Variants in FAM193A observed in about 807,000 individuals in gnomAD.
The protein encoded by FAM193A is family with sequence similarity 193 member A, also known as protein FAM193A.
FAM193A carries 22 observed loss-of-function variants against 126.5 expected under a neutral mutation model. That is an observed-to-expected ratio of 0.17 (90% CI 0.12 to 0.25). The LOEUF is 0.25. FAM193A is among the 10% of genes least tolerant of loss of function. FAM193A has a pLI of 1.00. For synonymous variants in FAM193A, 761 were observed against 646.8 expected (o/e 1.18, Z -2.68); for missense variants, 1,675 against 1,672.8 (o/e 1.00, Z -0.02).
chr4:2,664,562 T>C (rs1197873605), intron 12 of FAM193A, among the ~76,000 whole-genome samples: 2,000 of 124,492 alleles, frequency 0.016, 48 homozygotes, highest in African/African-American at 0.049. Context: ...TTCTTTCTTT[T>C]TTTTTTTTTT....
At chr4:2,569,186 A>G (rs846097) in intron 1 of FAM193A, among the ~76,000 whole-genome samples, 149,676 of 152,042 alleles carry the variant, frequency 0.98, 73,706 homozygotes, top group Middle Eastern at 1. Flanking sequence ...GGCCAGGCTG[A>G]TCTCGAACTC....
intron 13 of FAM193A, among the ~76,000 whole-genome samples, chr4:2,685,962 T>C (rs1253760359): frequency 1.3e-5 from 2 of 152,210 alleles, no homozygotes; most frequent in Non-Finnish European, 2.9e-5. Context: ...GCTTTGTGGG[T>C]TTGTATAACG....
intron 12 of FAM193A, among the ~76,000 whole-genome samples, 166 bp from the exon 13 acceptor site, chr4:2,671,955 G>A (rs1352629880): frequency 2.0e-5 from 3 of 152,156 alleles, no homozygotes; most frequent in African/African-American, 7.2e-5. Context: ...AGTCTCTTGG[G>A]GTCCCTCGTT....
chr4:2,616,800 T>G (rs1048971772), intron 2 of FAM193A, among the ~76,000 whole-genome samples: 5 of 151,430 alleles, frequency 3.3e-5, no homozygotes, highest in African/African-American at 1.2e-4. Flanking sequence ...TCTCCTGACC[T>G]CATGATCTGC....
At chr4:2,703,480 T>A (rs570938512) in intron 19 of FAM193A, among the ~76,000 whole-genome samples, 2 of 152,084 alleles carry the variant, frequency 1.3e-5, no homozygotes, top group Non-Finnish European at 2.9e-5. Flanking sequence ...CTCCTGACCT[T>A]AAGTGACCTG....
intron 12 of FAM193A, among the ~76,000 whole-genome samples, chr4:2,663,599 A>T (rs546334458): frequency 1.3e-5 from 2 of 152,294 alleles, no homozygotes; most frequent in East Asian, 3.9e-4. Flanking sequence ...CCTGTTCATT[A>T]TCTGTTCTTC....
intron 4 of FAM193A, among the ~76,000 whole-genome samples, chr4:2,629,099 T>C (rs1022003139): frequency 5.9e-5 from 9 of 152,198 alleles, no homozygotes; most frequent in African/African-American, 2.2e-4. Flanking sequence ...AGTGCTGGGA[T>C]TATAGGCGTG....
In FAM193A at chr4:2,625,345, G is replaced by A. The variant is rs1380328660; in HGVS notation, c.585G>A (p.Gln195=). The A allele has an allele frequency of 2.8e-6, 2 of 702,970 alleles. No homozygotes were observed. The highest frequency in any genetic ancestry group is 2.0e-5 in the Admixed American group (1 of 50,022). 43.5% of individuals were successfully genotyped at this position (702,970 alleles called of 1,614,324 possible). A position where few individuals can be genotyped will look rare whatever the true frequency, so the allele number is the denominator to read the frequency against. The change falls in exon 3 of 21, where the codon CAG becomes CAA. Residue 195 remains glutamine, a synonymous_variant. Coordinates refer to ENST00000637812, the MANE Select transcript of FAM193A (RefSeq NM_001366318.2). ...GTGGGAGGCTCGCTCTGGGTGCACA[G>A]ACGCTGCCTTCAGACACCGCATGCT... ...GSGGRLALGA[Q]TLPSDTACSC... is the part of the protein sequence containing the mutation.
At chr4:2,648,804 A>G (rs562407409) in intron 7 of FAM193A, among the ~76,000 whole-genome samples, 2 of 152,344 alleles carry the variant, frequency 1.3e-5, no homozygotes, top group South Asian at 4.1e-4. Flanking sequence ...GACAGTGGGC[A>G]TTAACCTTCT....
chr4:2,557,216 A>G (rs951470154), intron 1 of FAM193A, among the ~76,000 whole-genome samples: 4 of 152,206 alleles, frequency 2.6e-5, no homozygotes, highest in African/African-American at 9.6e-5. Flanking sequence ...TCTCTCTCTC[A>G]GAATATCTTA....
intron 2 of FAM193A, among the ~76,000 whole-genome samples, chr4:2,605,217 T>C (rs981862497): frequency 7.2e-5 from 11 of 152,144 alleles, no homozygotes; most frequent in Admixed American, 5.9e-4. Flanking sequence ...GCGTTGCTGT[T>C]AACCCAGATC....
At chr4:2,716,443 C>T (rs1249393344) in intron 20 of FAM193A, among the ~76,000 whole-genome samples, 3 of 150,996 alleles carry the variant, frequency 2.0e-5, no homozygotes, top group South Asian at 2.1e-4. Flanking sequence ...CCTGGGGATA[C>T]AGGCCCCTAC....
chr4:2,634,141 C>T (rs112100955), intron 5 of FAM193A, among the ~76,000 whole-genome samples: 5 of 152,230 alleles, frequency 3.3e-5, no homozygotes, highest in African/African-American at 7.2e-5. Flanking sequence ...CTCCGAGCAC[C>T]GAAAGGGACA....
intron 8 of FAM193A, among the ~76,000 whole-genome samples, chr4:2,658,215 TGAA>T (rs1711950092): frequency 6.6e-6 from 1 of 152,090 alleles, no homozygotes; most frequent in East Asian, 1.9e-4. Flanking sequence ...AGTTTACATA[TGAA>T]GGAGGGTGTT....
Position 2,731,898 on chromosome 4 carries a change from G to A in FAM193A, c.*30G>A, listed in dbSNP as rs1721437391. 1 of 1,544,470 alleles carries A rather than the reference G, an allele frequency of 6.5e-7. No individual in the cohort carries two copies. Among genetic ancestry groups the A allele is most frequent in the Non-Finnish European group, 8.9e-7 (1 of 1,117,462 alleles). The stretch of plus-strand genomic sequence containing the variant: ...GGACTCCCTGGAGAGGGACACGCGA[G>A]AGGCAGGCCAGGCTGCACCACCCCA... On this transcript the variant is annotated 3_prime_UTR_variant, in exon 21 of 21. Transcript: ENST00000637812.
chr4:2,713,508 C>G (rs1383594273), intron 19 of FAM193A, among the ~76,000 whole-genome samples: 1 of 152,148 alleles, frequency 6.6e-6, no homozygotes, highest in Non-Finnish European at 1.5e-5. Flanking sequence ...CCTGGGTTCC[C>G]TGTGTACCCC....
chr4:2,601,561 T>G (rs1254358190), intron 2 of FAM193A, among the ~76,000 whole-genome samples: 1 of 151,090 alleles, frequency 6.6e-6, no homozygotes, highest in Non-Finnish European at 1.5e-5. Context: ...TATTTGTGCC[T>G]TCTTTTTTTT....
At chr4:2,699,606 A>G in intron 18 of FAM193A, 74 bp from the exon 19 acceptor site, 7 of 1,442,854 alleles carry the variant, frequency 4.9e-6, no homozygotes, top group Non-Finnish European at 6.6e-6. Flanking sequence ...TTTTGAAATT[A>G]TCTTAGTTTT....
At chr4:2,535,708 G>A (rs1336565365), upstream of FAM193A, among the ~76,000 whole-genome samples, 2 of 152,188 alleles carry the variant, frequency 1.3e-5, no homozygotes, top group Non-Finnish European at 2.9e-5. Flanking sequence ...CCGGCTAGTC[G>A]TCCCCGAGGT....
Sources: allele counts gnomAD v4.1 joint callset (sites outside exome capture counted in the v4.1 genomes callset), GRCh38; gene constraint gnomAD v4.1.1; transcripts MANE v1.5; gene names NCBI Gene and HGNC (gene_info 2026-07-23, HGNC 2026-07-21).